Variants in DNASE1 observed in about 807,000 individuals in gnomAD.
DNASE1 encodes the protein deoxyribonuclease 1.
A neutral mutation model predicts 33.9 loss-of-function variants in DNASE1; 40 were observed. The observed-to-expected ratio is 1.18, with a 90% confidence interval of 0.92 to 1.54. The LOEUF is 1.54. DNASE1 is among the 40% of genes most tolerant of loss of function. The pLI is 0.00. For synonymous variants in DNASE1, 216 were observed against 160.0 expected, an observed-to-expected ratio of 1.35 and a Z score of -2.64; for missense variants, 518 against 372.6, an observed-to-expected ratio of 1.39 and a Z score of -3.21.
chr16:3,659,566 T>C (rs1340121715), downstream of DNASE1: 1 of 152,158 alleles, frequency 6.6e-6, no homozygotes, highest in African/African-American at 2.4e-5. Flanking sequence ...ATGTAGTATT[T>C]AACCTTAACA....
intron 1 of DNASE1, among the ~76,000 whole-genome samples, chr16:3,613,999 G>C (rs1284968181): frequency 7.2e-6 from 1 of 138,586 alleles, no homozygotes; most frequent in Non-Finnish European, 1.5e-5. Context: ...TGCAAGCTCT[G>C]CTTCCCGGGT....
At chr16:3,662,932 G>A (rs774558345), downstream of DNASE1, 34 of 1,612,728 alleles carry the variant, frequency 2.1e-5, no homozygotes, top group Admixed American at 5.3e-4. Context: ...CAGGCCATGA[G>A]CTCCTCCGTC....
chr16:3,613,716 G>A lies in DNASE1; in HGVS notation c.-1359+1710G>A, dbSNP rs532259380. On this transcript the variant is annotated intron_variant and NMD_transcript_variant, in intron 1 of 11. Coordinates refer to the DNASE1 transcript ENST00000570769. ...AGGAGACTGAGTGACGACATGGAGAGGCCAGTGCTGTTGAAATAATTTCTC... is the reference window on the plus strand; with the variant it reads ...AGGAGACTGAGTGACGACATGGAGAAGCCAGTGCTGTTGAAATAATTTCTC... Among the ~76,000 whole-genome samples the A allele has an allele frequency of 2.6e-5, 4 of 152,224 alleles. No individual in the cohort carries two copies. The South Asian group carries it at 6.2e-4, about 24-fold the overall frequency.
intron 1 of DNASE1, among the ~76,000 whole-genome samples, chr16:3,637,729 A>C (rs554596701): frequency 6.6e-6 from 1 of 152,150 alleles, no homozygotes; most frequent in South Asian, 2.1e-4. Context: ...GTATGAGAGG[A>C]TCTTTCTCTG....
chr16:3,659,807 G>C (rs777206114), downstream of DNASE1: 1 of 151,896 alleles, frequency 6.6e-6, no homozygotes, highest in Admixed American at 6.6e-5. Context: ...CCAAGCTAGA[G>C]TGAAATGGCA....
intron 4 of DNASE1, 31 bp downstream of exon 4, chr16:3,656,216 C>A (rs373278586): frequency 2.5e-6 from 4 of 1,608,250 alleles, no homozygotes; most frequent in African/African-American, 1.3e-5. Flanking sequence ...GGAAGCCCCT[C>A]CCTCACCTGG....
chr16:3,618,455 C>T (rs779770404), intron 1 of DNASE1, among the ~76,000 whole-genome samples: 11 of 152,140 alleles, frequency 7.2e-5, no homozygotes, highest in Non-Finnish European at 5.9e-5. Context: ...AAGGGCCAGG[C>T]GCGGTGGCTC....
chr16:3,620,968 T>A (rs2041290244), intron 1 of DNASE1, among the ~76,000 whole-genome samples: 1 of 151,912 alleles, frequency 6.6e-6, no homozygotes, highest in Non-Finnish European at 1.5e-5. Context: ...CCTGGTTAAT[T>A]TTTGTATTTT....
At chr16:3,658,283 T>A, downstream of DNASE1, 4 of 865,146 alleles carry the variant, frequency 4.6e-6, no homozygotes, top group Non-Finnish European at 6.2e-6. Flanking sequence ...ACCTTTTCAT[T>A]TTTTTTTTTT....
At chr16:3,617,326 CAAAAA>C (rs56670885) in intron 1 of DNASE1, among the ~76,000 whole-genome samples, 22 of 57,714 alleles carry the variant, frequency 3.8e-4, no homozygotes, top group African/African-American at 1.4e-3. Flanking sequence ...AACTCCATCT[CAAAAA>C]AAAAAAAAAA....
intron 1 of DNASE1, among the ~76,000 whole-genome samples, chr16:3,647,278 T>C (rs1321372190): frequency 6.6e-6 from 1 of 151,212 alleles, no homozygotes; most frequent in Non-Finnish European, 1.5e-5. Context: ...TTTTTTTTTT[T>C]TTTTCTTTTT....
chr16:3,637,292 A>G lies in DNASE1; in HGVS notation c.-1358-3423A>G, dbSNP rs1189161721. Among the ~76,000 whole-genome samples the G allele has an allele frequency of 2.0e-5, 3 of 152,150 alleles. No homozygotes were observed. In the South Asian group the frequency reaches 6.2e-4, roughly 31 times the overall value. The stretch of plus-strand genomic sequence containing the variant: ...TTTTTCCTTCCTTGGGTTTCCGTAG[A>G]GACTTCTTAAATAAAGTCTGAGATA... On this transcript the variant is annotated intron_variant and NMD_transcript_variant, in intron 1 of 11. Coordinates refer to the DNASE1 transcript ENST00000570769.
At chr16:3,662,742 C>T (rs754408278), downstream of DNASE1, 2 of 791,244 alleles carry the variant, frequency 2.5e-6, no homozygotes, top group East Asian at 5.3e-5. Flanking sequence ...AGCAGGGACC[C>T]ACAGGGTCTC....
At chr16:3,643,139 G>A (rs1425010496) in intron 1 of DNASE1, 1 of 154,038 alleles carries the variant, frequency 6.5e-6, no homozygotes, top group Non-Finnish European at 1.4e-5. Context: ...AGGCAGAGGA[G>A]CCAGAGAGCT....
downstream of DNASE1, chr16:3,662,013 C>T (rs940816882): frequency 2.6e-5 from 42 of 1,611,114 alleles, no homozygotes; most frequent in Non-Finnish European, 3.5e-5. Flanking sequence ...GCGTGGGCTG[C>T]AGGAGCTGTG....
intron 1 of DNASE1, among the ~76,000 whole-genome samples, chr16:3,623,209 C>A (rs1166722945): frequency 6.6e-6 from 1 of 152,142 alleles, no homozygotes; most frequent in Non-Finnish European, 1.5e-5. Context: ...ACCAACTGAT[C>A]TTCAATAAAG....
Position 3,654,995 on chromosome 16 carries a change from G to C in DNASE1, c.-51G>C. On this transcript the variant is annotated 5_prime_UTR_variant, in exon 1 of 9. Coordinates refer to ENST00000246949, the MANE Select transcript of DNASE1 (RefSeq NM_005223.4). The stretch of plus-strand genomic sequence containing the variant: ...AAAATTGTCATCAAAGGATATTCCA[G>C]ATTCTTGACAGCATTCTCGTCATCT... 1 of 485,564 alleles carries C rather than the reference G, an allele frequency of 2.1e-6. No individual in the cohort carries two copies. Among genetic ancestry groups the C allele is most frequent in the Admixed American group, 3.7e-5 (1 of 26,674 alleles). 30.1% of individuals were successfully genotyped at this position (485,564 alleles called of 1,614,324 possible).
At chr16:3,619,410 G>T (rs189718173) in intron 1 of DNASE1, among the ~76,000 whole-genome samples, 75 of 150,788 alleles carry the variant, frequency 5.0e-4, no homozygotes, top group Admixed American at 3.6e-3. Context: ...CGCCCAGGCC[G>T]AAGTGCAGTG....
intron 1 of DNASE1, 146 bp downstream of exon 1, chr16:3,655,190 G>T (rs2042516605): frequency 2.6e-6 from 2 of 771,074 alleles, no homozygotes; most frequent in Admixed American, 2.7e-5. Context: ...GAGTGACTCG[G>T]GGTCCTCTAC....
Sources: gnomAD v4.1 joint callset for allele counts (sites outside exome capture counted in the v4.1 genomes callset) on GRCh38, gnomAD v4.1.1 for gene constraint, MANE v1.5 for transcripts, NCBI Gene and HGNC (gene_info 2026-07-23, HGNC 2026-07-21) for gene names.